EXOC4: variants seen among roughly 807,000 people sequenced by gnomAD.
EXOC4 encodes SEC8-like 1.
A neutral mutation model predicts 107.2 loss-of-function variants in EXOC4; 71 were observed. The observed-to-expected ratio is 0.66, with a 90% CI of 0.55 to 0.81. The LOEUF is 0.81. Among genes scored for constraint, EXOC4 ranks in the 30% least tolerant of loss-of-function variants. The pLI is 0.00. For synonymous variants in EXOC4, 456 were observed against 441.2 expected (o/e 1.03, Z -0.42); for missense variants, 1,108 against 1,189.6 (o/e 0.93, Z 1.01).
intron 7 of EXOC4, among the ~76,000 whole-genome samples, chr7:133,420,831 T>C (rs1304048632): frequency 1.3e-5 from 2 of 151,740 alleles, no homozygotes; most frequent in Non-Finnish European, 2.9e-5. Flanking sequence ...TAATTTGTTG[T>C]GTAAAAGCTT....
rs553568249 is a variant in EXOC4 at position 133,725,795 on chromosome 7, C to G, written c.1515-91530C>G. Among the ~76,000 whole-genome samples the G allele has an allele frequency of 2.6e-5, 4 of 152,208 alleles. No individual in the cohort carries two copies. The East Asian group carries it at 5.8e-4, about 22-fold the overall frequency. ...TTATTCATTCATTGGTCAGATTTGGCCCATAGGTTGTTGTTTACCAACTCC... is the reference window on the plus strand; with the variant it reads ...TTATTCATTCATTGGTCAGATTTGGGCCATAGGTTGTTGTTTACCAACTCC... On this transcript the variant is annotated intron_variant, in intron 10 of 17. Transcript: ENST00000253861.
chr7:133,960,565 C>G (rs1563072180), intron 14 of EXOC4, among the ~76,000 whole-genome samples: 1 of 152,102 alleles, frequency 6.6e-6, no homozygotes, highest in Non-Finnish European at 1.5e-5. Flanking sequence ...ATGTGATACA[C>G]CACATAAACA....
the EXOC4 span, among the ~76,000 whole-genome samples, chr7:134,094,848 G>A: frequency 6.6e-6 from 1 of 151,992 alleles, no homozygotes; most frequent in Non-Finnish European, 1.5e-5. Flanking sequence ...CAAACTCGCA[G>A]CAAACATCAT....
chr7:133,306,860 C>A (rs144167528), intron 4 of EXOC4, among the ~76,000 whole-genome samples: 90 of 152,184 alleles, frequency 5.9e-4, no homozygotes, highest in African/African-American at 2.0e-3. Context: ...TGTAGCATAG[C>A]CCTATATTTA....
intron 11 of EXOC4, among the ~76,000 whole-genome samples, chr7:133,864,029 C>T (rs573363445): frequency 6.6e-6 from 1 of 152,244 alleles, no homozygotes; most frequent in Admixed American, 6.5e-5. Context: ...TCATCATCAT[C>T]AGTTCTTCTT....
At chr7:133,413,685 T>G (rs1317242988) in intron 7 of EXOC4, among the ~76,000 whole-genome samples, 1 of 152,038 alleles carries the variant, frequency 6.6e-6, no homozygotes, top group Non-Finnish European at 1.5e-5. Context: ...CTTCGAAGGG[T>G]TTTAAATAGG....
chr7:133,711,628 A>G (rs1356015937), intron 10 of EXOC4, among the ~76,000 whole-genome samples: 1 of 152,196 alleles, frequency 6.6e-6, no homozygotes, highest in Non-Finnish European at 1.5e-5. Flanking sequence ...AGTATTTGTA[A>G]AGCCGTACTT....
intron 7 of EXOC4, among the ~76,000 whole-genome samples, chr7:133,449,345 G>A (rs1563070338): frequency 6.6e-6 from 1 of 152,114 alleles, no homozygotes; most frequent in African/African-American, 2.4e-5. Flanking sequence ...TTCTAGAACT[G>A]CAAGAGAATA....
chr7:133,829,270 G>A (rs1164684164), intron 11 of EXOC4, among the ~76,000 whole-genome samples: 3 of 152,186 alleles, frequency 2.0e-5, no homozygotes, highest in Non-Finnish European at 4.4e-5. Context: ...GAACACACCA[G>A]TTTACTTTTG....
intron 9 of EXOC4, among the ~76,000 whole-genome samples, chr7:133,498,529 G>T (rs902043233): frequency 2.0e-5 from 3 of 152,148 alleles, no homozygotes; most frequent in Non-Finnish European, 4.4e-5. Context: ...AGCTTGCAGT[G>T]AGCCGAGATC....
At chr7:133,738,851 A>G (rs1475025772) in intron 10 of EXOC4, among the ~76,000 whole-genome samples, 1 of 152,152 alleles carries the variant, frequency 6.6e-6, no homozygotes, top group African/African-American at 2.4e-5. Context: ...TTCTGTTCAA[A>G]TGGTTATCAG....
rs746153624 is a variant in EXOC4, at chr7:133,543,405, C to T, written c.1417+63267C>T. On this transcript the variant is annotated intron_variant, in intron 9 of 17. Transcript: ENST00000253861. ...TCTCAGAGGAGTATTTTTATATTTT[C>T]ATCTCTATATTTTATATTTATACTG... Among the ~76,000 whole-genome samples, 72 of 151,902 alleles carry T rather than the reference C, an allele frequency of 4.7e-4. 1 individual carries two copies. The highest frequency in any genetic ancestry group is 3.2e-3 in the Admixed American group (48 of 15,230).
Position 133,377,353 on chromosome 7 carries a change from C to CAAAT in EXOC4, c.1182+2375_1182+2378dup, listed in dbSNP as rs541363839. Among the ~76,000 whole-genome samples the CAAAT allele has an allele frequency of 3.2e-3, 478 of 151,690 alleles. 4 individuals carry two copies. Among genetic ancestry groups the CAAAT allele is most frequent in the Admixed American group, 6.7e-3 (102 of 15,196 alleles). Reference sequence around the variant, plus strand: ...TGGGTGACAGTGTGAGACTCAATCTCAAATAAATAAATAAATAAATAAATA... The same window carrying CAAAT: ...TGGGTGACAGTGTGAGACTCAATCTCAAATAAATAAATAAATAAATAAATAAATA... On this transcript the variant is annotated intron_variant, in intron 7 of 17. Transcript: ENST00000253861.
intron 9 of EXOC4, among the ~76,000 whole-genome samples, chr7:133,493,610 A>G (rs1395220286): frequency 6.6e-6 from 1 of 152,162 alleles, no homozygotes; most frequent in African/African-American, 2.4e-5. Context: ...TGAACAAGTA[A>G]GTTCTAGTAG....
At chr7:133,339,364 A>G (rs1795606252) in intron 5 of EXOC4, among the ~76,000 whole-genome samples, 1 of 152,068 alleles carries the variant, frequency 6.6e-6, no homozygotes, top group African/African-American at 2.4e-5. Flanking sequence ...TCCATTGGTC[A>G]ATGTGCCTGT....
At chr7:134,010,331 G>A (rs1205364225) in intron 17 of EXOC4, 2 of 152,146 alleles carry the variant, frequency 1.3e-5, no homozygotes, top group Admixed American at 6.5e-5. Flanking sequence ...TAAAGTAGCC[G>A]GCATGGGTCA....
chr7:133,934,177 A>T (rs917621904), intron 13 of EXOC4, among the ~76,000 whole-genome samples: 1 of 152,216 alleles, frequency 6.6e-6, no homozygotes, highest in African/African-American at 2.4e-5. Flanking sequence ...ATAATTTAAT[A>T]AATCAGAGGG....
At chr7:133,468,307 T>C (rs919601026) in intron 7 of EXOC4, among the ~76,000 whole-genome samples, 1 of 152,210 alleles carries the variant, frequency 6.6e-6, no homozygotes, top group Non-Finnish European at 1.5e-5. Context: ...GCATCTGCTT[T>C]ATTTTCAAAA....
chr7:133,754,850 T>A (rs1795866062), intron 10 of EXOC4, among the ~76,000 whole-genome samples: 2 of 152,198 alleles, frequency 1.3e-5, no homozygotes, highest in African/African-American at 4.8e-5. Context: ...AAATTGATGC[T>A]TTCTTTTTCT....
Sources: gnomAD v4.1 joint callset for allele counts (sites outside exome capture counted in the v4.1 genomes callset) on GRCh38, gnomAD v4.1.1 for gene constraint, MANE v1.5 for transcripts, NCBI Gene and HGNC (gene_info 2026-07-23, HGNC 2026-07-21) for gene names.